FBXL7: variants seen among roughly 807,000 people sequenced by gnomAD.
FBXL7 encodes F-box and leucine rich repeat protein 7.
In FBXL7, 12 loss-of-function variants were observed where a neutral mutation model predicts 38.3. The observed-to-expected ratio is 0.31, with a 90% CI of 0.20 to 0.51. The LOEUF (loss-of-function observed/expected upper bound fraction) is 0.51. Among genes scored for constraint, FBXL7 ranks in the 20% least tolerant of loss-of-function variants. The pLI is 0.98. For synonymous variants in FBXL7, 297 were observed against 300.9 expected, an observed-to-expected ratio of 0.99 and a Z score of 0.13; for missense variants, 567 against 676.4, an observed-to-expected ratio of 0.84 and a Z score of 1.79.
At chr5:15,927,631 C>T (rs1459522279) in intron 2 of FBXL7, among the ~76,000 whole-genome samples, 2 of 151,782 alleles carry the variant, frequency 1.3e-5, no homozygotes, top group Non-Finnish European at 2.9e-5. Flanking sequence ...AAAACTTAGC[C>T]GGCCGTGGTG....
At chr5:15,686,578 C>A (rs746802001) in intron 2 of FBXL7, among the ~76,000 whole-genome samples, 3 of 152,168 alleles carry the variant, frequency 2.0e-5, no homozygotes, top group Non-Finnish European at 2.9e-5. Context: ...TAGCCCTGAA[C>A]AAAATATAGT....
chr5:15,636,309 T>C (rs542152780), intron 2 of FBXL7, among the ~76,000 whole-genome samples: 3 of 152,314 alleles, frequency 2.0e-5, no homozygotes, highest in African/African-American at 7.2e-5. Context: ...TGCTGAGTTT[T>C]TCAGACTGAA....
intron 2 of FBXL7, among the ~76,000 whole-genome samples, chr5:15,805,963 G>A (rs568599834): frequency 1.3e-5 from 2 of 152,208 alleles, no homozygotes; most frequent in African/African-American, 2.4e-5. Context: ...ATTGATTTTT[G>A]TTGTATAGTC....
chr5:15,555,973 TCATC>T (rs1738217134), intron 1 of FBXL7, among the ~76,000 whole-genome samples: 13 of 110,228 alleles, frequency 1.2e-4, no homozygotes, highest in Admixed American at 1.2e-3. Context: ...CATCTGTCTA[TCATC>T]TATCTATCTA....
chr5:15,735,352 T>A (rs891184775), intron 2 of FBXL7, among the ~76,000 whole-genome samples: 4 of 152,134 alleles, frequency 2.6e-5, no homozygotes, highest in African/African-American at 7.2e-5. Context: ...TGAATCAAAG[T>A]AATAACAAAT....
chr5:15,700,445 C>T (rs1042199268), intron 2 of FBXL7, among the ~76,000 whole-genome samples: 4 of 152,114 alleles, frequency 2.6e-5, no homozygotes, highest in African/African-American at 9.7e-5. Context: ...TTTTTGGAGA[C>T]TAAGATAATT....
chr5:15,934,679 A>G (rs979216218), intron 3 of FBXL7, among the ~76,000 whole-genome samples: 4 of 152,188 alleles, frequency 2.6e-5, no homozygotes, highest in African/African-American at 9.6e-5. Context: ...TAACTATAAA[A>G]CAGACAACTG....
chr5:15,645,030 A>G (rs1253820343), intron 2 of FBXL7, among the ~76,000 whole-genome samples: 2 of 152,226 alleles, frequency 1.3e-5, no homozygotes, highest in Admixed American at 6.5e-5. Context: ...GCTAAATGAT[A>G]TACAAGGCTA....
At chr5:15,626,581 C>A (rs550612835) in intron 2 of FBXL7, among the ~76,000 whole-genome samples, 150 of 107,630 alleles carry the variant, frequency 1.4e-3, no homozygotes, top group African/African-American at 5.0e-3. Flanking sequence ...TGTATGTGTA[C>A]ACCATGCACT....
At position 15,936,023 on chromosome 5, in the gene FBXL7, CT is replaced by C. The variant is rs1274366504; in HGVS notation, c.740-423del. Reference sequence around the variant, plus strand: ...CAAACCAGGGCAGCTCAAGAACTCACTTTTACTGAGCTCCTGGAACTTTCCA... The same window carrying C: ...CAAACCAGGGCAGCTCAAGAACTCACTTTACTGAGCTCCTGGAACTTTCCA... On this transcript the variant is annotated intron_variant, in intron 3 of 3. Coordinates refer to ENST00000504595, the MANE Select transcript of FBXL7 (RefSeq NM_012304.5). This position sits in a 1 kb window ranked among gnomAD's most constrained non-coding sequence, Gnocchi z 6.0. Among the ~76,000 whole-genome samples the C allele has an allele frequency of 6.6e-6, 1 of 152,148 alleles. No homozygotes were observed. The highest frequency in any genetic ancestry group is 1.9e-4 in the East Asian group (1 of 5,178).
At chr5:15,611,512 G>A (rs986503172) in intron 1 of FBXL7, among the ~76,000 whole-genome samples, 3 of 152,162 alleles carry the variant, frequency 2.0e-5, no homozygotes, top group Admixed American at 6.5e-5. Flanking sequence ...TCAATAATAT[G>A]TATTAAATAA....
At chr5:15,528,179 TC>T (rs1737307055) in intron 1 of FBXL7, among the ~76,000 whole-genome samples, 1 of 152,176 alleles carries the variant, frequency 6.6e-6, no homozygotes, top group Non-Finnish European at 1.5e-5. Flanking sequence ...AGGAAGAGTA[TC>T]GGGGACCCTC....
chr5:15,680,430 C>A (rs1208624492), intron 2 of FBXL7, among the ~76,000 whole-genome samples: 4 of 152,096 alleles, frequency 2.6e-5, no homozygotes, highest in African/African-American at 4.8e-5. Flanking sequence ...AGAAATTATT[C>A]TAGGAGTTGT....
intron 2 of FBXL7, among the ~76,000 whole-genome samples, chr5:15,707,147 C>G (rs1215316903): frequency 7.3e-6 from 1 of 137,752 alleles, no homozygotes; most frequent in Non-Finnish European, 1.5e-5. Context: ...AAAAATATGT[C>G]AAGGTAGTGT....
At chr5:15,915,396 G>C (rs1380518305) in intron 2 of FBXL7, among the ~76,000 whole-genome samples, 1 of 152,200 alleles carries the variant, frequency 6.6e-6, no homozygotes, top group African/African-American at 2.4e-5. Context: ...GGAAGCCCCA[G>C]ATGTTTCTGG....
chr5:15,813,755 T>A (rs565029550), intron 2 of FBXL7, among the ~76,000 whole-genome samples: 4,231 of 151,836 alleles, frequency 0.028, 211 homozygotes, highest in African/African-American at 0.097. Context: ...ACCCCATCAA[T>A]AAGTGGGTGA....
At chr5:15,628,955 A>G (rs545793273) in intron 2 of FBXL7, among the ~76,000 whole-genome samples, 1 of 152,098 alleles carries the variant, frequency 6.6e-6, no homozygotes, top group East Asian at 1.9e-4. Context: ...AGAATCAGTC[A>G]TGTCCTCAGA....
At chr5:15,558,122 CAT>C (rs1420570852) in intron 1 of FBXL7, among the ~76,000 whole-genome samples, 2 of 152,038 alleles carry the variant, frequency 1.3e-5, no homozygotes, top group Non-Finnish European at 1.5e-5. Context: ...GGATTCTACA[CAT>C]AAAAATGGCT....
intron 2 of FBXL7, among the ~76,000 whole-genome samples, chr5:15,899,764 G>A (rs1741190063): frequency 6.6e-6 from 1 of 152,078 alleles, no homozygotes; most frequent in Non-Finnish European, 1.5e-5. Flanking sequence ...AAAATTTCAG[G>A]AGCCCATAAA....
Sources: allele counts gnomAD v4.1 joint callset (sites outside exome capture counted in the v4.1 genomes callset), GRCh38; gene constraint gnomAD v4.1.1; non-coding constraint Gnocchi (gnomAD v3.1); transcripts MANE v1.5; gene names NCBI Gene and HGNC (gene_info 2026-07-23, HGNC 2026-07-21).